Variants in TAFA2 observed in about 807,000 individuals in gnomAD.
TAFA2 encodes chemokine-like protein TAFA-2.
TAFA2 carries 7 observed loss-of-function variants against 18.8 expected under a neutral mutation model. The ratio of observed to expected loss-of-function variants is 0.37; its 90% CI spans 0.21 to 0.70. The LOEUF is 0.70. Ranked by LOEUF, TAFA2 falls within the 30% of genes least tolerant of loss-of-function variation. TAFA2 has a pLI of 0.53. For missense variants in TAFA2, 122 were observed against 158.1 expected, an observed-to-expected ratio of 0.77 and a Z score of 1.23; for synonymous variants, 60 against 54.2, an observed-to-expected ratio of 1.11 and a Z score of -0.47.
intron 2 of TAFA2, among the ~76,000 whole-genome samples, chr12:61,825,542 C>A (rs1207640749): frequency 1.3e-5 from 2 of 152,012 alleles, no homozygotes; most frequent in African/African-American, 4.8e-5. Context: ...GCTAAAACTG[C>A]ACTTTCAGAT....
At chr12:62,022,727 G>A (rs1235693721) in intron 1 of TAFA2, among the ~76,000 whole-genome samples, 1 of 152,158 alleles carries the variant, frequency 6.6e-6, no homozygotes, top group Non-Finnish European at 1.5e-5. Flanking sequence ...AACAGCTGTA[G>A]CATAAACTTT....
At chr12:62,242,861 C>T (rs2062868823) in intron 1 of TAFA2, among the ~76,000 whole-genome samples, 1 of 152,176 alleles carries the variant, frequency 6.6e-6, no homozygotes, top group African/African-American at 2.4e-5. Context: ...TGGAAGTATA[C>T]ATACCCTTGT....
rs1341035791 is a variant in TAFA2 at position 61,809,836 on chromosome 12, CT to C, written c.107-54813del. 3.3e-5 allele frequency among the ~76,000 whole-genome samples: 5 copies of C among 151,388 alleles called. 1 individual carries two copies. Among genetic ancestry groups the C allele is most frequent in the African/African-American group, 1.2e-4 (5 of 40,708 alleles). Reference sequence around the variant, plus strand: ...TCCTTCTCAGCTTTAACAGCCACCCCTAACATCGAAAGGGAAATCTCAATAC... The same window carrying C: ...TCCTTCTCAGCTTTAACAGCCACCCCAACATCGAAAGGGAAATCTCAATAC... On this transcript the variant is annotated intron_variant, in intron 2 of 4. Coordinates refer to ENST00000416284, the MANE Select transcript of TAFA2 (RefSeq NM_178539.5).
At chr12:61,804,000 G>A (rs150799472) in intron 2 of TAFA2, among the ~76,000 whole-genome samples, 209 of 152,008 alleles carry the variant, frequency 1.4e-3, no homozygotes, top group African/African-American at 4.7e-3. Context: ...TACATGAAAA[G>A]CATTATTAAT....
At chr12:62,044,023 T>C (rs1881840629) in intron 1 of TAFA2, among the ~76,000 whole-genome samples, 2 of 152,128 alleles carry the variant, frequency 1.3e-5, no homozygotes, top group South Asian at 4.1e-4. Context: ...TCTCGAGGCT[T>C]GCAAGTGTTC....
chr12:61,814,095 A>G (rs11174185), intron 2 of TAFA2, among the ~76,000 whole-genome samples: 3,106 of 151,542 alleles, frequency 0.02, 59 homozygotes, highest in Non-Finnish European at 0.031. Flanking sequence ...GACTATTTCA[A>G]TAAGGGAAAT....
At chr12:61,943,515 G>A (rs1395301346) in intron 1 of TAFA2, among the ~76,000 whole-genome samples, 1 of 144,556 alleles carries the variant, frequency 6.9e-6, no homozygotes, top group Non-Finnish European at 1.5e-5. Context: ...TGGCAAGTTG[G>A]ATAAAGAGTC....
chr12:61,771,617 C>A, intron 2 of TAFA2, among the ~76,000 whole-genome samples: 1 of 151,806 alleles, frequency 6.6e-6, no homozygotes, highest in Non-Finnish European at 1.5e-5. Context: ...AAATAATTTG[C>A]CCCTGAATGA....
At chr12:62,082,246 A>G (rs1868335977) in intron 1 of TAFA2, among the ~76,000 whole-genome samples, 1 of 152,206 alleles carries the variant, frequency 6.6e-6, no homozygotes, top group African/African-American at 2.4e-5. Context: ...GTAGTGCCAC[A>G]GTGAACATAT....
At chr12:62,117,179 G>A (rs1215277374) in intron 1 of TAFA2, among the ~76,000 whole-genome samples, 2 of 152,172 alleles carry the variant, frequency 1.3e-5, no homozygotes, top group African/African-American at 2.4e-5. Flanking sequence ...ACAAACAGAT[G>A]TGAATAAGTA....
At chr12:62,226,436 A>G (rs1185277491) in intron 1 of TAFA2, among the ~76,000 whole-genome samples, 1 of 152,016 alleles carries the variant, frequency 6.6e-6, no homozygotes, top group Non-Finnish European at 1.5e-5. Flanking sequence ...TGACCTCACG[A>G]TCCACCCTCC....
At chr12:62,088,926 G>A (rs897609175) in intron 1 of TAFA2, among the ~76,000 whole-genome samples, 5 of 150,174 alleles carry the variant, frequency 3.3e-5, no homozygotes, top group Non-Finnish European at 5.9e-5. Flanking sequence ...GTGTGTGTGT[G>A]TGCACGCGCG....
chr12:62,228,619 G>A (rs552519540), intron 1 of TAFA2, among the ~76,000 whole-genome samples: 1 of 152,164 alleles, frequency 6.6e-6, no homozygotes, highest in South Asian at 2.1e-4. Context: ...GTTTTGATTT[G>A]CACCTCTCTG....
intron 1 of TAFA2, among the ~76,000 whole-genome samples, chr12:62,147,399 C>A (rs186198048): frequency 0.01 from 1,367 of 136,614 alleles, 24 homozygotes; most frequent in African/African-American, 0.037. Flanking sequence ...AAAATTGACA[C>A]CTGAGACCTA....
intron 1 of TAFA2, among the ~76,000 whole-genome samples, chr12:62,148,313 G>A (rs138780852): frequency 6.6e-6 from 1 of 152,290 alleles, no homozygotes; most frequent in African/African-American, 2.4e-5. Flanking sequence ...ATCAATGGTG[G>A]GTTGGATAAA....
intron 2 of TAFA2, among the ~76,000 whole-genome samples, chr12:61,843,070 A>G (rs533593798): frequency 6.6e-6 from 1 of 152,156 alleles, no homozygotes; most frequent in Admixed American, 6.6e-5. Context: ...CTAAGGGAAT[A>G]GCTACCTTGG....
chr12:61,872,032 C>A (rs1226721487), intron 1 of TAFA2, among the ~76,000 whole-genome samples: 1 of 151,854 alleles, frequency 6.6e-6, no homozygotes, highest in African/African-American at 2.4e-5. Context: ...GTAGAGCTTG[C>A]AGTGAGCTCA....
intron 1 of TAFA2, among the ~76,000 whole-genome samples, chr12:62,002,482 G>A (rs1025676649): frequency 1.2e-4 from 19 of 152,108 alleles, no homozygotes; most frequent in African/African-American, 4.6e-4. Flanking sequence ...ATAGCTTCCC[G>A]ATTATTTTCC....
chr12:62,120,864 T>G (rs1039536312), intron 1 of TAFA2, among the ~76,000 whole-genome samples: 1 of 151,616 alleles, frequency 6.6e-6, no homozygotes, highest in African/African-American at 2.4e-5. Flanking sequence ...ATTTATTTAT[T>G]TATTTTTGGA....
Sources: allele counts gnomAD v4.1 joint callset (sites outside exome capture counted in the v4.1 genomes callset), GRCh38; gene constraint gnomAD v4.1.1; transcripts MANE v1.5; gene names NCBI Gene and HGNC (gene_info 2026-07-23, HGNC 2026-07-21).